The following LY96 variants were observed in gnomAD, a reference collection of about 807,000 sequenced individuals.
LY96 encodes the protein myeloid differentiation protein-2.
A neutral mutation model predicts 18.9 loss-of-function variants in LY96; 18 were observed. That is an observed-to-expected ratio of 0.95 (90% confidence interval 0.66 to 1.41). The LOEUF (loss-of-function observed/expected upper bound fraction) is 1.41. Ranked by LOEUF, LY96 falls within the 40% of genes most tolerant of loss-of-function variation. LY96 has a pLI of 0.00. For missense variants in LY96, 175 were observed against 182.4 expected (o/e 0.96, Z 0.23); for synonymous variants, 66 against 62.6 (o/e 1.06, Z -0.26).
chr8:74,097,704 T>G, the LY96 span, among the ~76,000 whole-genome samples: 94 of 150,348 alleles, frequency 6.3e-4, 1 homozygote, highest in African/African-American at 2.2e-3. Flanking sequence ...AGACTCTGTC[T>G]CAAATAAATA....
At chr8:74,016,739 G>A (rs910736024) in intron 3 of LY96, among the ~76,000 whole-genome samples, 3 of 152,190 alleles carry the variant, frequency 2.0e-5, no homozygotes, top group Admixed American at 6.5e-5. Context: ...TGCAGCCTCC[G>A]CTGGTGATAC....
Position 73,991,488 on chromosome 8 carries a change from A to G in LY96, c.46A>G (p.Thr16Ala), listed in dbSNP as rs765027211. ...FFSTLFSSIF[T>A]EAQKQYWVCN... Reference sequence around the variant, plus strand: ...TTCCACCCTGTTTTCTTCCATATTTACTGAAGCTCAGAAGCAGTATTGGGT... The same window carrying G: ...TTCCACCCTGTTTTCTTCCATATTTGCTGAAGCTCAGAAGCAGTATTGGGT... Residue 16 changes from threonine to alanine, a missense_variant, in exon 1 of 5, where the codon ACT becomes GCT. Transcript: ENST00000284818. The G allele has an allele frequency of 4.3e-6, 7 of 1,613,200 alleles. No individual in the cohort carries two copies. Among genetic ancestry groups the G allele is most frequent in the Non-Finnish European group, 4.2e-6 (5 of 1,179,320 alleles).
At chr8:74,018,057 A>G (rs910352874) in intron 3 of LY96, among the ~76,000 whole-genome samples, 3 of 152,144 alleles carry the variant, frequency 2.0e-5, no homozygotes, top group African/African-American at 7.2e-5. Flanking sequence ...AACAATATTA[A>G]CCTTAAATAT....
chr8:74,061,818 G>C, the LY96 span, among the ~76,000 whole-genome samples: 8 of 152,236 alleles, frequency 5.3e-5, no homozygotes, highest in Admixed American at 5.2e-4. Context: ...AACCACAAAA[G>C]CTCTCATGTT....
chr8:74,096,751 G>A, the LY96 span, among the ~76,000 whole-genome samples: 2 of 152,184 alleles, frequency 1.3e-5, no homozygotes, highest in African/African-American at 4.8e-5. Flanking sequence ...CACATAGCAG[G>A]TCCTCAGTGG....
the LY96 span, among the ~76,000 whole-genome samples, chr8:74,059,654 CA>C: frequency 2.6e-5 from 4 of 151,810 alleles, no homozygotes; most frequent in Non-Finnish European, 5.9e-5. Flanking sequence ...GTTAAATTTC[CA>C]AAAAAGTTAA....
chr8:74,096,687 A>T, the LY96 span, among the ~76,000 whole-genome samples: 3 of 152,064 alleles, frequency 2.0e-5, no homozygotes, highest in African/African-American at 4.8e-5. Flanking sequence ...TGTAATCTTC[A>T]TGGGGGCGGG....
At chr8:74,080,395 A>G in the LY96 span, among the ~76,000 whole-genome samples, 1 of 152,186 alleles carries the variant, frequency 6.6e-6, no homozygotes, top group Non-Finnish European at 1.5e-5. Context: ...TGACACTGAA[A>G]GTGCTTTCAG....
chr8:74,017,367 G>A (rs1816665871), intron 3 of LY96, among the ~76,000 whole-genome samples: 1 of 152,186 alleles, frequency 6.6e-6, no homozygotes, highest in South Asian at 2.1e-4. Flanking sequence ...AGAGTAGTAA[G>A]AAATGAACAA....
intron 1 of LY96, 104 bp from the exon 2 acceptor site, chr8:74,004,692 A>G: frequency 1.8e-6 from 2 of 1,103,614 alleles, no homozygotes; most frequent in Non-Finnish European, 2.6e-6. Context: ...TTCTTATTTT[A>G]TAATTTTAAT....
At chr8:74,089,724 A>C in the LY96 span, among the ~76,000 whole-genome samples, 1 of 132,526 alleles carries the variant, frequency 7.5e-6, no homozygotes, top group South Asian at 2.8e-4. Flanking sequence ...AGTAGGTCGG[A>C]TAGTGATAAG....
At chr8:74,001,376 G>A (rs1268196373) in intron 1 of LY96, among the ~76,000 whole-genome samples, 1 of 151,914 alleles carries the variant, frequency 6.6e-6, no homozygotes, top group Non-Finnish European at 1.5e-5. Flanking sequence ...GGCACGTGCT[G>A]TGCTGACATG....
chr8:74,050,547 G>A, the LY96 span, among the ~76,000 whole-genome samples: 3 of 152,088 alleles, frequency 2.0e-5, no homozygotes, highest in Admixed American at 6.5e-5. Flanking sequence ...CACTCTTAAT[G>A]AAGCCATATG....
At chr8:74,068,985 G>C in the LY96 span, among the ~76,000 whole-genome samples, 1 of 152,118 alleles carries the variant, frequency 6.6e-6, no homozygotes, top group African/African-American at 2.4e-5. Context: ...AGTAGAGACA[G>C]GGTTTCACCA....
intron 1 of LY96, among the ~76,000 whole-genome samples, chr8:74,000,887 G>A (rs919949536): frequency 1.6e-4 from 25 of 152,128 alleles, no homozygotes; most frequent in African/African-American, 6.0e-4. Context: ...ACTTGTCAGG[G>A]GTGGGGAAGG....
At chr8:74,013,704 G>A (rs1816579169) in intron 3 of LY96, among the ~76,000 whole-genome samples, 1 of 152,168 alleles carries the variant, frequency 6.6e-6, no homozygotes, top group Non-Finnish European at 1.5e-5. Flanking sequence ...GGGTGAGGGG[G>A]AAAAACATTC....
chr8:74,079,952 A>G, the LY96 span, among the ~76,000 whole-genome samples: 3 of 152,218 alleles, frequency 2.0e-5, no homozygotes, highest in Admixed American at 6.5e-5. Context: ...CCTTTTCTAC[A>G]TCCAGGCTGT....
chr8:74,076,667 G>A, the LY96 span, among the ~76,000 whole-genome samples: 7,604 of 152,036 alleles, frequency 0.05, 591 homozygotes, highest in African/African-American at 0.17. Context: ...GATACAGACT[G>A]GGTATCCAAT....
chr8:74,011,586 C>T (rs1488493897), intron 3 of LY96, among the ~76,000 whole-genome samples: 3 of 152,224 alleles, frequency 2.0e-5, no homozygotes, highest in Middle Eastern at 3.4e-3. Flanking sequence ...AGTGGCTAGG[C>T]GCAGTGGCTC....
Sources: allele counts gnomAD v4.1 joint callset (sites outside exome capture counted in the v4.1 genomes callset), GRCh38; gene constraint gnomAD v4.1.1; transcripts MANE v1.5; gene names NCBI Gene and HGNC (gene_info 2026-07-23, HGNC 2026-07-21).